The following GPD2 variants were observed in gnomAD, a reference collection of about 807,000 sequenced individuals.
GPD2 encodes glycerol-3-phosphate dehydrogenase 2.
Under a neutral mutation model 82.4 loss-of-function variants are expected in GPD2, and 54 were observed. That is an observed-to-expected ratio of 0.66 (90% CI 0.53 to 0.82). The LOEUF is 0.82. GPD2 is among the 40% of genes least tolerant of loss of function. The pLI is 0.00. For missense variants in GPD2, 748 were observed against 896.2 expected, an observed-to-expected ratio of 0.83 and a Z score of 2.11; for synonymous variants, 288 against 306.1, an observed-to-expected ratio of 0.94 and a Z score of 0.62.
chr2:156,579,326 T>C (rs1238387320), intron 15 of GPD2, among the ~76,000 whole-genome samples, 162 bp downstream of exon 15: 1 of 147,796 alleles, frequency 6.8e-6, no homozygotes, highest in Non-Finnish European at 1.5e-5. Flanking sequence ...TTCTTTTTTC[T>C]TTCTTTTTTT....
chr2:156,557,657 T>G (rs1687014027), intron 9 of GPD2, 75 bp downstream of exon 9: 1 of 852,934 alleles, frequency 1.2e-6, no homozygotes, highest in Non-Finnish European at 2.0e-6. Flanking sequence ...ACTGGATAAA[T>G]GCTATGTCTC....
chr2:156,412,632 C>T, the GPD2 span, among the ~76,000 whole-genome samples: 6 of 152,150 alleles, frequency 3.9e-5, no homozygotes, highest in African/African-American at 1.4e-4. Context: ...GCACATAAAG[C>T]TCTTCCACAG....
intron 6 of GPD2, among the ~76,000 whole-genome samples, chr2:156,541,837 T>TTG (rs1686333821): frequency 6.8e-6 from 1 of 145,988 alleles, no homozygotes; most frequent in African/African-American, 2.5e-5. Context: ...TTTTTTTTTT[T>TTG]TTTTTTTTTG....
intron 13 of GPD2, among the ~76,000 whole-genome samples, chr2:156,577,912 A>C (rs1165602108): frequency 2.0e-5 from 3 of 152,150 alleles, no homozygotes; most frequent in Non-Finnish European, 4.4e-5. Flanking sequence ...GTTACCATGA[A>C]AGCTTTTACT....
At chr2:156,460,879 T>G (rs930536901) in intron 1 of GPD2, among the ~76,000 whole-genome samples, 4 of 152,206 alleles carry the variant, frequency 2.6e-5, no homozygotes, top group African/African-American at 9.6e-5. Flanking sequence ...TCTTGTAGAT[T>G]GCAGTTGGTA....
At chr2:156,529,578 C>T (rs1386560649) in intron 6 of GPD2, among the ~76,000 whole-genome samples, 2 of 152,030 alleles carry the variant, frequency 1.3e-5, no homozygotes, top group Non-Finnish European at 2.9e-5. Flanking sequence ...TTAATTCTAA[C>T]GTTTAAGTCT....
intron 8 of GPD2, among the ~76,000 whole-genome samples, chr2:156,556,817 A>G (rs1686979885): frequency 6.6e-6 from 1 of 152,208 alleles, no homozygotes; most frequent in African/African-American, 2.4e-5. Flanking sequence ...AGGAAATCTC[A>G]TATTTGGTGA....
chr2:156,467,146 T>TAA (rs1683178026), intron 1 of GPD2, among the ~76,000 whole-genome samples: 1 of 152,204 alleles, frequency 6.6e-6, no homozygotes, highest in Non-Finnish European at 1.5e-5. Context: ...CTTCCTCTGC[T>TAA]AAAATTGTTT....
At chr2:156,451,683 C>T (rs1682594070) in intron 1 of GPD2, among the ~76,000 whole-genome samples, 1 of 136,630 alleles carries the variant, frequency 7.3e-6, no homozygotes, top group Non-Finnish European at 1.6e-5. Flanking sequence ...GGGCAGCTGG[C>T]AGGGCGGGGG....
intron 6 of GPD2, among the ~76,000 whole-genome samples, chr2:156,540,030 A>G (rs946450159): frequency 4.6e-5 from 7 of 152,202 alleles, no homozygotes; most frequent in African/African-American, 1.4e-4. Context: ...AAAACAAAAA[A>G]TCTGGTTAAC....
In GPD2 at chr2:156,549,785, T is replaced by TCTGGGAGGG. The variant is rs1409939591; in HGVS notation, c.826+14_826+22dup. ...GATGTCCTCACAGGTATGCCAGGTA[T>TCTGGGAGGG]CTGGGAGGGAGGTATTTCTTAGTAT... On this transcript the variant is annotated intron_variant, in intron 7 of 16. Transcript: ENST00000438166. 1 of 1,589,378 alleles carries TCTGGGAGGG rather than the reference T, an allele frequency of 6.3e-7. No homozygotes were observed. The highest frequency in any genetic ancestry group is 8.6e-7 in the Non-Finnish European group (1 of 1,157,976).
chr2:156,504,535 A>G (rs953617671), intron 3 of GPD2, among the ~76,000 whole-genome samples: 4 of 152,122 alleles, frequency 2.6e-5, no homozygotes, highest in African/African-American at 9.6e-5. Context: ...TTTCAGAGTG[A>G]TTATTCTCAC....
chr2:156,540,770 T>C (rs1374291522), intron 6 of GPD2, among the ~76,000 whole-genome samples: 1 of 152,096 alleles, frequency 6.6e-6, no homozygotes, highest in African/African-American at 2.4e-5. Flanking sequence ...CTTCATGACA[T>C]ACAGAAAAAA....
chr2:156,426,697 G>A, the GPD2 span, among the ~76,000 whole-genome samples: 1 of 152,154 alleles, frequency 6.6e-6, no homozygotes, highest in South Asian at 2.1e-4. Flanking sequence ...CCATATTCCT[G>A]AACTACATGT....
the GPD2 span, among the ~76,000 whole-genome samples, chr2:156,405,659 A>G: frequency 6.6e-6 from 1 of 152,188 alleles, no homozygotes; most frequent in African/African-American, 2.4e-5. Flanking sequence ...TGATTTCATT[A>G]TCCACGTGAT....
rs536391544 is a variant in GPD2 at position 156,541,695 on chromosome 2, T to C, written c.662-7913T>C. Among the ~76,000 whole-genome samples the C allele has an allele frequency of 4.6e-5, 7 of 152,302 alleles. No individual in the cohort carries two copies. In the South Asian group the frequency reaches 6.2e-4, roughly 14 times the overall value. On this transcript the variant is annotated intron_variant, in intron 6 of 16. Coordinates refer to ENST00000438166, the MANE Select transcript of GPD2 (RefSeq NM_000408.5). ...AAGCTTACCAGGGGTTTTTAGGCCATATAACTGCATAGCCTGTGAAAGATC... is the reference window on the plus strand; with the variant it reads ...AAGCTTACCAGGGGTTTTTAGGCCACATAACTGCATAGCCTGTGAAAGATC...
chr2:156,465,404 T>C (rs1306328379), intron 1 of GPD2, among the ~76,000 whole-genome samples: 1 of 148,272 alleles, frequency 6.7e-6, no homozygotes, highest in Non-Finnish European at 1.5e-5. Flanking sequence ...TTCTATCACC[T>C]GTGCTGGAGT....
At chr2:156,535,829 A>G (rs1455661476) in intron 6 of GPD2, among the ~76,000 whole-genome samples, 2 of 152,228 alleles carry the variant, frequency 1.3e-5, no homozygotes, top group African/African-American at 4.8e-5. Context: ...TGTTAGAGAT[A>G]TAAACCCTCT....
intron 3 of GPD2, among the ~76,000 whole-genome samples, chr2:156,508,136 G>A (rs540252102): frequency 6.6e-6 from 1 of 152,044 alleles, no homozygotes; most frequent in Admixed American, 6.6e-5. Context: ...CAGGAATCTG[G>A]GTGAGCCTTA....
Sources: gnomAD v4.1 joint callset for allele counts (sites outside exome capture counted in the v4.1 genomes callset) on GRCh38, gnomAD v4.1.1 for gene constraint, MANE v1.5 for transcripts, NCBI Gene and HGNC (gene_info 2026-07-23, HGNC 2026-07-21) for gene names.